CACNA1I: variants seen among roughly 807,000 people sequenced by gnomAD.
CACNA1I encodes voltage-dependent T-type calcium channel subunit alpha-1I.
In CACNA1I, 74 loss-of-function variants were observed where a neutral mutation model predicts 201.6. The observed-to-expected ratio is 0.37, with a 90% confidence interval of 0.30 to 0.45. The LOEUF (loss-of-function observed/expected upper bound fraction) is 0.45, where lower values mean the gene tolerates loss of function less well. Ranked by LOEUF, CACNA1I falls within the 20% of genes least tolerant of loss-of-function variation. The pLI, the probability that CACNA1I is intolerant of heterozygous loss-of-function variation, is 1.00. For missense variants in CACNA1I, 2,346 were observed against 3,138.1 expected (o/e 0.75, Z 6.03); for synonymous variants, 1,431 against 1,345.2 (o/e 1.06, Z -1.40).
chr22:39,594,166 G>A (rs761341577), intron 1 of CACNA1I, among the ~76,000 whole-genome samples: 13 of 152,274 alleles, frequency 8.5e-5, no homozygotes, highest in Non-Finnish European at 1.5e-4. Flanking sequence ...CCCAGGAGAG[G>A]CCCCTGATTT....
chr22:39,640,179 A>G lies in CACNA1I; in HGVS notation c.741-688A>G, dbSNP rs532847138. Among the ~76,000 whole-genome samples the G allele has an allele frequency of 3.3e-5, 5 of 152,330 alleles. No homozygotes were observed. The South Asian group carries it at 1.0e-3, about 32-fold the overall frequency. ...TGAGGTGGGTGGATCACCTGAGGTC[A>G]GGAGTTTGAGAACAGGCTGACCAAT... On this transcript the variant is annotated intron_variant, in intron 5 of 36. Coordinates refer to ENST00000402142, the MANE Select transcript of CACNA1I (RefSeq NM_021096.4).
intron 2 of CACNA1I, among the ~76,000 whole-genome samples, chr22:39,598,988 C>T (rs1932961534): frequency 8.3e-6 from 1 of 120,210 alleles, no homozygotes; most frequent in South Asian, 3.0e-4. Context: ...CACTGTGTCG[C>T]CCCAGGCTGG....
intron 19 of CACNA1I, 115 bp from the exon 20 acceptor site, chr22:39,663,976 C>A: frequency 2.0e-6 from 3 of 1,514,438 alleles, no homozygotes; most frequent in East Asian, 2.3e-5. Context: ...GGAAAGCCTC[C>A]GTGAACTGAG....
chr22:39,595,729 C>T (rs908886768), intron 1 of CACNA1I, among the ~76,000 whole-genome samples: 3 of 152,096 alleles, frequency 2.0e-5, no homozygotes, highest in African/African-American at 7.2e-5. Flanking sequence ...TTGTACCGCA[C>T]TCATACCTAA....
In CACNA1I at chr22:39,686,296, C is replaced by T. The variant is rs1190938948; in HGVS notation, c.6563C>T (p.Pro2188Leu). 38 of 1,325,394 alleles carry T rather than the reference C, an allele frequency of 2.9e-5. No homozygotes were observed. The highest frequency in any genetic ancestry group is 5.7e-4 in the Middle Eastern group (2 of 3,508). 82.1% of individuals were successfully genotyped at this position (1,325,394 alleles called of 1,614,324 possible). The part of the protein sequence containing the change: ...PSWAADRSKD[P>L]PGRAPLPMGL... ...TGGGCCGCGGACCGCAGCAAGGACC[C>T]CCCCGGCCGGGCACCGCTGCCCATG... The change falls in exon 37 of 37, where the codon CCC becomes CTC. Residue 2188 changes from proline to leucine, a missense_variant. Transcript: ENST00000402142.
intron 1 of CACNA1I, among the ~76,000 whole-genome samples, chr22:39,586,950 G>A (rs1208080630): frequency 2.0e-5 from 3 of 152,294 alleles, no homozygotes; most frequent in African/African-American, 4.8e-5. Context: ...TTGGGCTCCC[G>A]AGGCTGGATC....
At position 39,649,424 on chromosome 22, in the gene CACNA1I, G is replaced by T; in HGVS notation, c.1568-77G>T. On this transcript the variant is annotated intron_variant, in intron 9 of 36. Transcript: ENST00000402142. This position sits in a 1 kb window ranked among gnomAD's most constrained non-coding sequence, Gnocchi z 7.3. ...AGACCTGTGGGCCTGGGAGCCAAGC[G>T]CACTCAGGGATGTGTCCCAGGGTGG... The T allele has an allele frequency of 4.4e-6, 6 of 1,373,210 alleles. No individual in the cohort carries two copies. The highest frequency in any genetic ancestry group is 5.8e-6 in the Non-Finnish European group (6 of 1,032,668). 85.1% of individuals were successfully genotyped at this position (1,373,210 alleles called of 1,614,324 possible).
rs747190940 is a variant in CACNA1I, at chr22:39,677,917, G to A, written c.4934-70G>A. 8.4e-5 allele frequency: 125 copies of A among 1,496,370 alleles called. No individual in the cohort carries two copies. Among genetic ancestry groups the A allele is most frequent in the Non-Finnish European group, 1.1e-4 (124 of 1,118,018 alleles). 92.7% of individuals were successfully genotyped at this position (1,496,370 alleles called of 1,614,324 possible). A position where few individuals can be genotyped will look rare whatever the true frequency, so the allele number is the denominator to read the frequency against. ...ATGAGGGTTCTGAGGCGAGGCGGGA[G>A]GCACCAGGTCAGGGTGAGCCCCGCA... is the stretch of plus-strand genomic sequence containing the variant. On this transcript the variant is annotated intron_variant, in intron 30 of 36. Coordinates refer to ENST00000402142, the MANE Select transcript of CACNA1I (RefSeq NM_021096.4). The surrounding 1 kb of genome is among the most constrained non-coding windows in gnomAD (Gnocchi z 4.8).
At chr22:39,627,092 T>C (rs2146403208) in intron 4 of CACNA1I, among the ~76,000 whole-genome samples, 1 of 152,296 alleles carries the variant, frequency 6.6e-6, no homozygotes, top group South Asian at 2.1e-4. Context: ...GTATCTCCTT[T>C]CCGTTCTTTT....
chr22:39,605,884 A>C (rs1933206931), intron 3 of CACNA1I, among the ~76,000 whole-genome samples: 1 of 152,014 alleles, frequency 6.6e-6, no homozygotes, highest in Admixed American at 6.5e-5. Flanking sequence ...GCTGGAGCCC[A>C]GGGTTTCTGG....
At chr22:39,618,343 TTGTGGGTG>T (rs750268665) in intron 3 of CACNA1I, among the ~76,000 whole-genome samples, 2 of 127,560 alleles carry the variant, frequency 1.6e-5, no homozygotes, top group Non-Finnish European at 3.3e-5. Context: ...AGGTGTGTGT[TTGTGGGTG>T]TGTGGTTGTG....
intron 1 of CACNA1I, among the ~76,000 whole-genome samples, chr22:39,593,704 A>G (rs2145819791): frequency 6.6e-6 from 1 of 152,242 alleles, no homozygotes; most frequent in East Asian, 1.9e-4. Flanking sequence ...TGTTTCAGGC[A>G]GATTAGCCTG....
intron 1 of CACNA1I, among the ~76,000 whole-genome samples, chr22:39,588,446 C>A (rs575651642): frequency 1.4e-4 from 21 of 145,426 alleles, no homozygotes; most frequent in African/African-American, 5.5e-4. Flanking sequence ...AGTGCAGTGG[C>A]GTGATCTCGG....
At chr22:39,631,653 T>C (rs184111298) in intron 4 of CACNA1I, among the ~76,000 whole-genome samples, 1 of 152,286 alleles carries the variant, frequency 6.6e-6, no homozygotes, top group Admixed American at 6.5e-5. Flanking sequence ...CCGCTCTTTC[T>C]CTCTGTCTTC....
chr22:39,649,606 A>G lies in CACNA1I; in HGVS notation c.1673A>G (p.His558Arg), dbSNP rs757582109. Residue 558 changes from histidine to arginine, a missense_variant, in exon 10 of 37, where the codon CAT becomes CGT. Physicochemically the swap from His to Arg is conservative, Grantham distance 29. This residue lies in a region of CACNA1I where 312 missense variants were observed against 331.5 expected (regional missense o/e 0.94). Coordinates refer to ENST00000402142, the MANE Select transcript of CACNA1I (RefSeq NM_021096.4). This position sits in a 1 kb window ranked among gnomAD's most constrained non-coding sequence, Gnocchi z 7.3. ...CCCGCCAGCTGCCCTTGCTGCCAGCATGAGGACGGCCGGCGGCCCTCGGGC... is the reference window on the plus strand; with the variant it reads ...CCCGCCAGCTGCCCTTGCTGCCAGCGTGAGGACGGCCGGCGGCCCTCGGGC... ...SDPASCPCCQ[H>R]EDGRRPSGLG... The G allele has an allele frequency of 1.0e-5, 16 of 1,539,782 alleles. No homozygotes were observed. The highest frequency in any genetic ancestry group is 8.5e-5 in the South Asian group (7 of 82,274).
intron 3 of CACNA1I, among the ~76,000 whole-genome samples, chr22:39,602,784 T>C (rs1036055110): frequency 4.6e-5 from 7 of 152,110 alleles, no homozygotes; most frequent in Non-Finnish European, 7.4e-5. Flanking sequence ...TAGAAGCTTG[T>C]GGGCTTTTCT....
intron 3 of CACNA1I, among the ~76,000 whole-genome samples, chr22:39,602,446 G>A (rs886099382): frequency 1.3e-5 from 2 of 152,030 alleles, no homozygotes; most frequent in East Asian, 1.9e-4. Flanking sequence ...AGACCTGTAC[G>A]GAAGCTACTC....
chr22:39,601,856 T>TC (rs1315633739), intron 3 of CACNA1I, among the ~76,000 whole-genome samples: 1 of 58,822 alleles, frequency 1.7e-5, no homozygotes, highest in East Asian at 5.4e-4. Context: ...CCTCCCTCCC[T>TC]CCTTCCTTCC....
intron 1 of CACNA1I, among the ~76,000 whole-genome samples, chr22:39,582,515 C>T (rs1336329278): frequency 2.0e-5 from 3 of 152,070 alleles, no homozygotes. Flanking sequence ...TCTGAAAAAC[C>T]CAGCCCAGGC....
Sources: gnomAD v4.1 joint callset for allele counts (sites outside exome capture counted in the v4.1 genomes callset) on GRCh38, gnomAD v4.1.1 for gene constraint, gnomAD v4.1.1 regional missense constraint, Gnocchi (gnomAD v3.1) non-coding constraint, MANE v1.5 for transcripts, NCBI Gene and HGNC (gene_info 2026-07-23, HGNC 2026-07-21) for gene names.